The following LEKR1 variants were observed in gnomAD, a reference collection of about 807,000 sequenced individuals.
LEKR1 encodes protein LEKR1.
In LEKR1, 59 loss-of-function variants were observed where a neutral mutation model predicts 72.4. The ratio of observed to expected loss-of-function variants is 0.82; its 90% CI spans 0.66 to 1.01. The LOEUF is 1.01. LEKR1 is among the 50% of genes least tolerant of loss of function. LEKR1 has a pLI of 0.00. For missense variants in LEKR1, 728 were observed against 759.2 expected, an observed-to-expected ratio of 0.96 and a Z score of 0.48; for synonymous variants, 257 against 263.2, an observed-to-expected ratio of 0.98 and a Z score of 0.23.
chr3:157,028,606 A>G (rs1362922983), intron 12 of LEKR1, among the ~76,000 whole-genome samples: 1 of 152,178 alleles, frequency 6.6e-6, no homozygotes, highest in Non-Finnish European at 1.5e-5. Flanking sequence ...GCCTCTCCAG[A>G]CCTGGCTTTC....
intron 10 of LEKR1, among the ~76,000 whole-genome samples, chr3:157,014,178 C>T (rs975690502): frequency 6.6e-6 from 1 of 151,962 alleles, no homozygotes; most frequent in African/African-American, 2.4e-5. Context: ...ATGATCAAAT[C>T]GCATTATTTA....
At chr3:157,010,856 T>C (rs1732833078) in intron 9 of LEKR1, among the ~76,000 whole-genome samples, 1 of 152,140 alleles carries the variant, frequency 6.6e-6, no homozygotes, top group South Asian at 2.1e-4. Flanking sequence ...ATTTCTAATA[T>C]GTTTTATGCT....
At chr3:156,912,199 T>A (rs914487895) in intron 3 of LEKR1, among the ~76,000 whole-genome samples, 7 of 152,116 alleles carry the variant, frequency 4.6e-5, no homozygotes, top group African/African-American at 9.7e-5. Context: ...ATAAATAAAT[T>A]GTATAATAAT....
chr3:156,896,254 A>G (rs552314629), intron 3 of LEKR1, among the ~76,000 whole-genome samples: 1 of 152,166 alleles, frequency 6.6e-6, no homozygotes, highest in Non-Finnish European at 1.5e-5. Flanking sequence ...GCTGGGCATA[A>G]TATCTAGGTG....
intron 2 of LEKR1, among the ~76,000 whole-genome samples, chr3:156,833,682 G>A (rs538940137): frequency 1.3e-5 from 2 of 152,136 alleles, no homozygotes; most frequent in South Asian, 4.1e-4. Flanking sequence ...ACCTAATATT[G>A]AAAAAATTAA....
chr3:157,008,904 C>A (rs904346515), intron 9 of LEKR1, among the ~76,000 whole-genome samples: 1 of 152,096 alleles, frequency 6.6e-6, no homozygotes, highest in Non-Finnish European at 1.5e-5. Context: ...AGGTATACCA[C>A]AATTTATCTG....
At chr3:157,031,030 G>A (rs1411492281) in intron 12 of LEKR1, among the ~76,000 whole-genome samples, 1 of 152,136 alleles carries the variant, frequency 6.6e-6, no homozygotes, top group African/African-American at 2.4e-5. Flanking sequence ...GAATCAGTAA[G>A]TCCAACCCAC....
intron 2 of LEKR1, among the ~76,000 whole-genome samples, chr3:156,850,780 G>A (rs1459510288): frequency 6.6e-6 from 1 of 152,122 alleles, no homozygotes; most frequent in Non-Finnish European, 1.5e-5. Context: ...GGTGGAGGGA[G>A]TCTTAGTCAC....
chr3:156,870,584 A>G (rs1717808217), intron 3 of LEKR1, among the ~76,000 whole-genome samples: 1 of 151,936 alleles, frequency 6.6e-6, no homozygotes, highest in Admixed American at 6.6e-5. Context: ...AGTTTTTTTC[A>G]TAGAGTCTTT....
chr3:156,917,958 A>T (rs187084028), intron 3 of LEKR1, among the ~76,000 whole-genome samples: 2 of 152,250 alleles, frequency 1.3e-5, no homozygotes, highest in South Asian at 2.1e-4. Context: ...ATTTGGAAAG[A>T]TTATCTGCTG....
chr3:156,949,433 C>T (rs1053251158), intron 6 of LEKR1, among the ~76,000 whole-genome samples: 3 of 151,450 alleles, frequency 2.0e-5, no homozygotes, highest in African/African-American at 7.3e-5. Context: ...TTTTCCATTG[C>T]TTGTTTTTGT....
chr3:157,033,208 A>G (rs1440342964), intron 12 of LEKR1, among the ~76,000 whole-genome samples: 1 of 152,220 alleles, frequency 6.6e-6, no homozygotes, highest in Non-Finnish European at 1.5e-5. Context: ...CATTCAAGTG[A>G]AAGGAAGAAT....
chr3:156,990,181 T>G (rs922260651), intron 7 of LEKR1, among the ~76,000 whole-genome samples: 1 of 152,166 alleles, frequency 6.6e-6, no homozygotes, highest in Admixed American at 6.6e-5. Context: ...TAAAAAATTC[T>G]TCATTTTTAT....
chr3:156,965,685 G>A (rs1054199097), intron 6 of LEKR1, among the ~76,000 whole-genome samples: 13 of 152,144 alleles, frequency 8.5e-5, no homozygotes, highest in African/African-American at 3.1e-4. Context: ...TCAAATAGAT[G>A]TAAATTAAAC....
intron 2 of LEKR1, among the ~76,000 whole-genome samples, chr3:156,849,377 T>A (rs1444103996): frequency 6.6e-6 from 1 of 152,176 alleles, no homozygotes; most frequent in Non-Finnish European, 1.5e-5. Context: ...AAGCTACTAA[T>A]GACTTTCTTC....
intron 1 of LEKR1, among the ~76,000 whole-genome samples, chr3:156,828,317 C>G (rs1711910267): frequency 6.6e-6 from 1 of 152,212 alleles, no homozygotes; most frequent in Non-Finnish European, 1.5e-5. Context: ...CGGGGTTGCT[C>G]TCTCTGATAG....
chr3:157,040,047 A>C (rs1735238968), intron 12 of LEKR1, among the ~76,000 whole-genome samples: 1 of 152,074 alleles, frequency 6.6e-6, no homozygotes, highest in Non-Finnish European at 1.5e-5. Flanking sequence ...GAGTGAACTG[A>C]CCACCTGAGA....
chr3:157,028,832 TC>T (rs1734396379), intron 12 of LEKR1, among the ~76,000 whole-genome samples: 1 of 152,224 alleles, frequency 6.6e-6, no homozygotes, highest in African/African-American at 2.4e-5. Context: ...GGTTTTTACT[TC>T]CTATCAATGT....
Position 156,998,389 on chromosome 3 carries a change from G to A in LEKR1, c.1109+5112G>A, listed in dbSNP as rs146811233. ...CTACATATAGCACTTGGAGAAATTC[G>A]CTTACACCAGCATGTGGCCTACAAC... On this transcript the variant is annotated intron_variant, in intron 9 of 12. Transcript: ENST00000356539. Among the ~76,000 whole-genome samples, 389 of 152,134 alleles carry A rather than the reference G, an allele frequency of 2.6e-3. 4 individuals are homozygous for A. Among genetic ancestry groups the A allele is most frequent in the African/African-American group, 8.8e-3 (364 of 41,486 alleles).
Sources: allele counts gnomAD v4.1 joint callset (sites outside exome capture counted in the v4.1 genomes callset), GRCh38; gene constraint gnomAD v4.1.1; transcripts MANE v1.5; gene names NCBI Gene and HGNC (gene_info 2026-07-23, HGNC 2026-07-21).